MOBP: variants seen among roughly 807,000 people sequenced by gnomAD.
The protein encoded by MOBP is myelin associated oligodendrocyte basic protein, also known as myelin-associated oligodendrocyte basic protein.
MOBP carries 5 observed loss-of-function variants against 15.0 expected under a neutral mutation model. That is an observed-to-expected ratio of 0.33 (90% CI 0.17 to 0.70). MOBP has a LOEUF of 0.70. MOBP is among the 30% of genes least tolerant of loss of function. The probability of loss-of-function intolerance (pLI) is 0.67; values close to 1 mark genes in which losing one functional copy is unlikely to be tolerated. For missense variants in MOBP, 188 were observed against 257.8 expected, an observed-to-expected ratio of 0.73 and a Z score of 1.85; for synonymous variants, 88 against 99.0, an observed-to-expected ratio of 0.89 and a Z score of 0.66.
Position 39,502,685 on chromosome 3 carries a change from C to T in MOBP, c.357C>T (p.Ser119=), listed in dbSNP as rs1208878144. The change falls in exon 4 of 4, where the codon TCC becomes TCT. Residue 119 remains serine (S), a synonymous_variant. Coordinates refer to ENST00000684792, the MANE Select transcript of MOBP (RefSeq NM_001393704.1). The surrounding 1 kb of genome is among the most constrained non-coding windows in gnomAD (Gnocchi z 6.3). ...CGAGGTCTGAGCGTCAGCCACGGTC[C>T]CCTCCGAGGTCTGAGCGTCAGCCAC... ...SPPRSERQPR[S]PPRSERQPRS... is the part of the protein sequence containing the mutation. 2.7e-6 allele frequency: 4 copies of T among 1,490,188 alleles called. No homozygotes were observed. Among genetic ancestry groups the T allele is most frequent in the Non-Finnish European group, 1.8e-6 (2 of 1,124,874 alleles). 92.3% of individuals were successfully genotyped at this position (1,490,188 alleles called of 1,614,324 possible). A position where few individuals can be genotyped will look rare whatever the true frequency, so the allele number is the denominator to read the frequency against.
intron 4 of MOBP, among the ~76,000 whole-genome samples, chr3:39,513,159 G>C (rs2043142128): frequency 6.6e-6 from 1 of 152,024 alleles, no homozygotes; most frequent in East Asian, 1.9e-4. Flanking sequence ...ACATAAAATA[G>C]AACTCTTAAA....
chr3:39,520,234 GTC>G (rs1201335894), downstream of MOBP, among the ~76,000 whole-genome samples: 1 of 152,096 alleles, frequency 6.6e-6, no homozygotes, highest in East Asian at 1.9e-4. Flanking sequence ...CTGTCTCCAA[GTC>G]TCTCTAATTC....
chr3:39,486,187 G>A (rs989202430), intron 2 of MOBP, among the ~76,000 whole-genome samples: 5 of 152,210 alleles, frequency 3.3e-5, no homozygotes, highest in South Asian at 4.2e-4. Context: ...CCTTGGTTGG[G>A]GTCCTGGGAC....
downstream of MOBP, chr3:39,517,766 T>C (rs1408932605): frequency 6.6e-6 from 1 of 152,354 alleles, no homozygotes; most frequent in Non-Finnish European, 1.5e-5. Context: ...ATCAACTGAC[T>C]GGGTTTATCC....
chr3:39,506,951 C>G (rs1303841472), downstream of MOBP, among the ~76,000 whole-genome samples: 1 of 152,176 alleles, frequency 6.6e-6, no homozygotes, highest in Non-Finnish European at 1.5e-5. Flanking sequence ...TCTCTGTTCT[C>G]TTGGTTTCTG....
chr3:39,508,349 T>C (rs2043073736), intron 4 of MOBP, among the ~76,000 whole-genome samples: 1 of 152,202 alleles, frequency 6.6e-6, no homozygotes, highest in Admixed American at 6.5e-5. Context: ...AAGTAAGATA[T>C]AGAATATTTT....
At chr3:39,468,983 T>C (rs995588810) in intron 1 of MOBP, among the ~76,000 whole-genome samples, 14 of 118,062 alleles carry the variant, frequency 1.2e-4, no homozygotes, top group African/African-American at 4.8e-4. Flanking sequence ...TATATACATA[T>C]ATACATATGT....
chr3:39,511,859 T>C (rs1261929571), intron 4 of MOBP, among the ~76,000 whole-genome samples: 11 of 152,162 alleles, frequency 7.2e-5, no homozygotes, highest in East Asian at 1.9e-4. Context: ...ATTCCAACAA[T>C]TGGAAATTAA....
At chr3:39,474,205 C>T (rs995606330) in intron 1 of MOBP, among the ~76,000 whole-genome samples, 3 of 152,160 alleles carry the variant, frequency 2.0e-5, no homozygotes, top group African/African-American at 4.8e-5. Context: ...GTAATAAAAA[C>T]ATATAAATGG....
rs930979491 is a variant in MOBP, at chr3:39,469,031, T to C, written c.-89+1291T>C. Among the ~76,000 whole-genome samples, 7 of 71,154 alleles carry C rather than the reference T, an allele frequency of 9.8e-5. No individual in the cohort carries two copies. The South Asian group carries it at 2.8e-3, about 28-fold the overall frequency. The allele number at this position is 71,154 out of a possible 152,430, so 46.7% of individuals were successfully genotyped here. ...ACATATATACATATGTGTGTATATA[T>C]ATACATATATACATATGTGTGTGTA... On this transcript the variant is annotated intron_variant, in intron 1 of 3. Transcript: ENST00000684792.
intron 1 of MOBP, among the ~76,000 whole-genome samples, chr3:39,472,946 G>GA (rs942623138): frequency 3.8e-4 from 57 of 150,924 alleles, no homozygotes; most frequent in Non-Finnish European, 6.7e-4. Flanking sequence ...TCTCAAAAAG[G>GA]AAAAAAAAAT....
chr3:39,496,891 A>G (rs1708015), intron 2 of MOBP, among the ~76,000 whole-genome samples: 41,900 of 151,582 alleles, frequency 0.28, 6,912 homozygotes, highest in African/African-American at 0.46. Context: ...TCGAACTCCC[A>G]ACCTTGGGTG....
chr3:39,516,414 TG>T, downstream of MOBP, among the ~76,000 whole-genome samples: 1 of 152,204 alleles, frequency 6.6e-6, no homozygotes, highest in South Asian at 2.1e-4. Flanking sequence ...GCCTTTTCAC[TG>T]GAAAAGAGGG....
chr3:39,488,157 A>G (rs960088088), intron 2 of MOBP, among the ~76,000 whole-genome samples: 4 of 151,410 alleles, frequency 2.6e-5, no homozygotes, highest in Non-Finnish European at 5.9e-5. Context: ...TTTTTTCCAT[A>G]CTCCCTCTCT....
chr3:39,508,850 A>G (rs1025990246), intron 4 of MOBP, among the ~76,000 whole-genome samples: 7 of 152,104 alleles, frequency 4.6e-5, no homozygotes, highest in Admixed American at 3.3e-4. Flanking sequence ...CCTGGCCCCA[A>G]CATTTTAATC....
chr3:39,498,402 G>A (rs961156403), intron 2 of MOBP, among the ~76,000 whole-genome samples: 1 of 152,140 alleles, frequency 6.6e-6, no homozygotes, highest in African/African-American at 2.4e-5. Context: ...TCAGGCTGGA[G>A]TGCAGTGGCG....
chr3:39,518,354 G>A (rs919971862), downstream of MOBP, among the ~76,000 whole-genome samples: 4 of 152,214 alleles, frequency 2.6e-5, no homozygotes, highest in Non-Finnish European at 5.9e-5. Context: ...TGGTCCTTTA[G>A]TTAGGAGGTT....
intron 1 of MOBP, among the ~76,000 whole-genome samples, chr3:39,474,122 C>G (rs936455481): frequency 1.4e-4 from 21 of 152,312 alleles, no homozygotes; most frequent in African/African-American, 4.3e-4. Flanking sequence ...GGCTGGTTTT[C>G]TGAATGCTCC....
At chr3:39,504,249 G>T (rs2043019092), downstream of MOBP, among the ~76,000 whole-genome samples, 1 of 152,196 alleles carries the variant, frequency 6.6e-6, no homozygotes, top group South Asian at 2.1e-4. Flanking sequence ...GAGTAGAAGG[G>T]TCCTAGGACA....
Sources: allele counts gnomAD v4.1 joint callset (sites outside exome capture counted in the v4.1 genomes callset), GRCh38; gene constraint gnomAD v4.1.1; non-coding constraint Gnocchi (gnomAD v3.1); transcripts MANE v1.5; gene names NCBI Gene and HGNC (gene_info 2026-07-23, HGNC 2026-07-21).